ITPR1: variants seen among roughly 807,000 people sequenced by gnomAD.
ITPR1 encodes inositol 1,4,5-trisphosphate receptor type 1.
Under a neutral mutation model 318.4 loss-of-function variants are expected in ITPR1, and 96 were observed. The ratio of observed to expected loss-of-function variants is 0.30; its 90% CI spans 0.26 to 0.36. The LOEUF (loss-of-function observed/expected upper bound fraction) is 0.36, where lower values mean the gene tolerates loss of function less well. ITPR1 is among the 10% of genes least tolerant of loss of function. The pLI is 1.00. For synonymous variants in ITPR1, 1,312 were observed against 1,289.9 expected (o/e 1.02, Z -0.37); for missense variants, 2,440 against 3,460.2 (o/e 0.71, Z 7.40).
chr3:4,799,022 C>T (rs557736808), intron 53 of ITPR1, among the ~76,000 whole-genome samples: 31 of 152,274 alleles, frequency 2.0e-4, no homozygotes, highest in African/African-American at 3.6e-4. Context: ...CAATTACATG[C>T]GGTGGTCACA....
At chr3:4,681,112 C>T (rs2094289946) in intron 25 of ITPR1, among the ~76,000 whole-genome samples, 1 of 152,100 alleles carries the variant, frequency 6.6e-6, no homozygotes, top group Non-Finnish European at 1.5e-5. Context: ...ATCTACCAAG[C>T]CCAAGCTTCC....
intron 37 of ITPR1, among the ~76,000 whole-genome samples, chr3:4,708,397 C>A (rs149577560): frequency 3.7e-4 from 57 of 152,188 alleles, no homozygotes; most frequent in African/African-American, 1.2e-3. Flanking sequence ...GTGGCTGGAG[C>A]CAGGAAGCTG....
In ITPR1 at chr3:4,511,860, G is replaced by A. The variant is rs543916319; in HGVS notation, c.-16-4616G>A. On this transcript the variant is annotated intron_variant, in intron 2 of 61. Transcript: ENST00000649015. ...GTGATGCTTTGTGAAAAGAAGCAAA[G>A]CCTTAAGGAGAAATAATCTAGATAG... Among the ~76,000 whole-genome samples the A allele has an allele frequency of 1.1e-4, 16 of 152,318 alleles. No individual in the cohort carries two copies. The East Asian group carries it at 2.7e-3, about 26-fold the overall frequency.
chr3:4,811,888 A>C (rs2048962952), intron 56 of ITPR1, among the ~76,000 whole-genome samples: 1 of 152,130 alleles, frequency 6.6e-6, no homozygotes, highest in African/African-American at 2.4e-5. Context: ...AAGCAGTGTA[A>C]ATGTTCGGGG....
chr3:4,544,595 G>A (rs1403465673), intron 4 of ITPR1, among the ~76,000 whole-genome samples: 1 of 152,184 alleles, frequency 6.6e-6, no homozygotes, highest in Non-Finnish European at 1.5e-5. Flanking sequence ...GCTAAGTGGG[G>A]CTAGGTAAAG....
chr3:4,524,076 T>C (rs1559382499), intron 4 of ITPR1, among the ~76,000 whole-genome samples: 1 of 152,190 alleles, frequency 6.6e-6, no homozygotes, highest in African/African-American at 2.4e-5. Context: ...AAAATCTGGT[T>C]CAAAACAAGC....
intron 4 of ITPR1, among the ~76,000 whole-genome samples, chr3:4,565,094 G>A (rs2087090426): frequency 6.6e-6 from 1 of 152,146 alleles, no homozygotes; most frequent in South Asian, 2.1e-4. Flanking sequence ...GGTGTGTACT[G>A]AGCATTGGTA....
In ITPR1 at chr3:4,639,485, C is replaced by G. The variant is rs145989158; in HGVS notation, c.366+15C>G. 7.6e-5 allele frequency: 117 copies of G among 1,535,650 alleles called. No individual in the cohort carries two copies. Among genetic ancestry groups the G allele is most frequent in the Non-Finnish European group, 1.0e-4 (114 of 1,126,282 alleles). On this transcript the variant is annotated intron_variant, in intron 6 of 61. Coordinates refer to ENST00000649015, the MANE Select transcript of ITPR1 (RefSeq NM_001378452.1). ...ATGTGATCCAGGTAGGTCAAGGCAG[C>G]TCTTCCCTTCTGAAGCTGAAGCGTT...
At chr3:4,768,193 C>G (rs2045941964) in intron 45 of ITPR1, 2 of 264,468 alleles carry the variant, frequency 7.6e-6, no homozygotes, top group Non-Finnish European at 1.4e-5. Context: ...CACGGATGCT[C>G]TCCCATTTTA....
In ITPR1 at chr3:4,678,107, G is replaced by A. The variant is rs72995432; in HGVS notation, c.2967+1306G>A. The stretch of plus-strand genomic sequence containing the variant: ...AAATTCATAAATGTTTAAGATCTGG[G>A]GGTTTTATTTTTTAGTCTGAAATCA... On this transcript the variant is annotated intron_variant, in intron 24 of 61. Transcript: ENST00000649015. Among the ~76,000 whole-genome samples, 811 of 152,076 alleles carry A rather than the reference G, an allele frequency of 5.3e-3. 2 individuals are homozygous for A. The highest frequency in any genetic ancestry group is 8.0e-3 in the Non-Finnish European group (541 of 67,998).
rs1262829922 is a variant in ITPR1, at chr3:4,815,189, A to T, written c.7838A>T (p.Glu2613Val). ...DLRSEKQKKE[E>V]ILKTTCFICG... ...AGGAGTGAGAAGCAGAAGAAGGAAG[A>T]GATCTTGAAGACCACGTGCTTTATC... The change falls in exon 59 of 62, where the codon GAG becomes GTG. Residue 2613 changes from glutamate (E) to valine (V), a missense_variant. This residue lies in a region of ITPR1 where 72 missense variants were observed against 197.7 expected (regional missense o/e 0.36). Coordinates refer to ENST00000649015, the MANE Select transcript of ITPR1 (RefSeq NM_001378452.1). The T allele has an allele frequency of 6.2e-7, 1 of 1,613,922 alleles. No homozygotes were observed. Among genetic ancestry groups the T allele is most frequent in the Non-Finnish European group, 8.5e-7 (1 of 1,179,830 alleles).
At chr3:4,570,351 G>A (rs552454746) in intron 4 of ITPR1, among the ~76,000 whole-genome samples, 1 of 152,348 alleles carries the variant, frequency 6.6e-6, no homozygotes, top group Admixed American at 6.5e-5. Context: ...CAATGTGAAT[G>A]TGAGTGTATT....
chr3:4,843,361 G>C (rs1187018339), intron 61 of ITPR1, among the ~76,000 whole-genome samples: 1 of 152,078 alleles, frequency 6.6e-6, no homozygotes, highest in Admixed American at 6.6e-5. Context: ...TTTAAAAAAA[G>C]TGTTCAAGTA....
intron 16 of ITPR1, among the ~76,000 whole-genome samples, chr3:4,664,162 G>C (rs2093896741): frequency 6.6e-6 from 1 of 152,186 alleles, no homozygotes; most frequent in Admixed American, 6.5e-5. Flanking sequence ...TATAAACTCA[G>C]AAGGCCCATA....
chr3:4,759,852 G>A lies in ITPR1; in HGVS notation c.5545-6678G>A, dbSNP rs1291715934. 3.3e-5 allele frequency among the ~76,000 whole-genome samples: 5 copies of A among 152,346 alleles called. No individual in the cohort carries two copies. The East Asian group carries it at 7.7e-4, about 23-fold the overall frequency. On this transcript the variant is annotated intron_variant, in intron 44 of 61. Coordinates refer to ENST00000649015, the MANE Select transcript of ITPR1 (RefSeq NM_001378452.1). ...TGTGGTTGAAGGTTGGCTGACAGCA[G>A]CCATGCCCACTTCCCTTTCCCCCTG...
intron 4 of ITPR1, among the ~76,000 whole-genome samples, chr3:4,553,010 C>A (rs1355210359): frequency 6.6e-6 from 1 of 152,178 alleles, no homozygotes; most frequent in Non-Finnish European, 1.5e-5. Context: ...ACCCCAGCAT[C>A]CCCAACACAA....
In ITPR1 at chr3:4,683,763, G is replaced by A; in HGVS notation, c.3463G>A (p.Gly1155Ser). ...KGQGPDETMD[G>S]ASGENEHKKT... ...GCAGGGCCCCGATGAGACTATGGAT[G>A]GTGCATCTGGAGAAAATGAACATAA... Residue 1155 changes from glycine (G) to serine (S), a missense_variant, in exon 28 of 62, where the codon GGT becomes AGT. Physicochemically the swap from Gly to Ser is moderately conservative, Grantham distance 56 (BLOSUM62 0). Coordinates refer to ENST00000649015, the MANE Select transcript of ITPR1 (RefSeq NM_001378452.1). The A allele has an allele frequency of 6.2e-7, 1 of 1,613,972 alleles. No individual in the cohort carries two copies. Among genetic ancestry groups the A allele is most frequent in the Non-Finnish European group, 8.5e-7 (1 of 1,179,850 alleles).
At chr3:4,788,282 C>G in intron 52 of ITPR1, 143 bp downstream of exon 52, 2 of 692,340 alleles carry the variant, frequency 2.9e-6, no homozygotes, top group Non-Finnish European at 4.8e-6. Flanking sequence ...ACCAGGAAGT[C>G]ATAACCAGTT....
In ITPR1 at chr3:4,653,901, G is replaced by C; in HGVS notation, c.996+15G>C. On this transcript the variant is annotated intron_variant, in intron 12 of 61. Coordinates refer to ENST00000649015, the MANE Select transcript of ITPR1 (RefSeq NM_001378452.1). ...TTCAGCCCTCAGTAAGTATGGACAA[G>C]AGCCTTCTTGTCTTCATCTGGTAGG... is the stretch of plus-strand genomic sequence containing the variant. 6.3e-7 allele frequency: 1 copy of C among 1,593,828 alleles called. No individual in the cohort carries two copies. The highest frequency in any genetic ancestry group is 8.6e-7 in the Non-Finnish European group (1 of 1,163,640).
Sources: gnomAD v4.1 joint callset for allele counts (sites outside exome capture counted in the v4.1 genomes callset) on GRCh38, gnomAD v4.1.1 for gene constraint, gnomAD v4.1.1 regional missense constraint, MANE v1.5 for transcripts, NCBI Gene and HGNC (gene_info 2026-07-23, HGNC 2026-07-21) for gene names.